Variants in RAD54L observed in about 807,000 individuals in gnomAD.
The protein encoded by RAD54L is DNA repair and recombination protein RAD54-like.
RAD54L carries 74 observed loss-of-function variants against 91.6 expected under a neutral mutation model. The observed-to-expected ratio is 0.81, with a 90% confidence interval of 0.67 to 0.98. The LOEUF is 0.98. Ranked by LOEUF, RAD54L falls within the 50% of genes least tolerant of loss-of-function variation. RAD54L has a pLI of 0.00. For synonymous variants in RAD54L, 304 were observed against 349.7 expected, an observed-to-expected ratio of 0.87 and a Z score of 1.46; for missense variants, 887 against 945.7, an observed-to-expected ratio of 0.94 and a Z score of 0.81.
intron 10 of RAD54L, among the ~76,000 whole-genome samples, chr1:46,271,521 G>T (rs1393029576): frequency 1.3e-5 from 2 of 152,144 alleles, no homozygotes; most frequent in Non-Finnish European, 2.9e-5. Flanking sequence ...GCTGGGTGTG[G>T]TTGGGGTGCA....
At position 46,260,365 on chromosome 1, in the gene RAD54L, G is replaced by T. The variant is rs570979521; in HGVS notation, c.408-177G>T. Among the ~76,000 whole-genome samples the T allele has an allele frequency of 9.9e-5, 15 of 152,172 alleles. No individual in the cohort carries two copies. The South Asian group carries it at 1.7e-3, about 17-fold the overall frequency. ...TGACACAGGGAACCCATCCCTCTCT[G>T]AGCTAACTTTCTAACTCCTAAAGTA... On this transcript the variant is annotated intron_variant, in intron 5 of 17. Coordinates refer to ENST00000371975, the MANE Select transcript of RAD54L (RefSeq NM_003579.4).
At chr1:46,275,875 C>G (rs908509206) in intron 16 of RAD54L, among the ~76,000 whole-genome samples, 1 of 151,874 alleles carries the variant, frequency 6.6e-6, no homozygotes, top group Admixed American at 6.6e-5. Flanking sequence ...TGGAGGATCA[C>G]TTGAGGCTAA....
At chr1:46,255,247 G>C (rs1659908895) in intron 3 of RAD54L, among the ~76,000 whole-genome samples, 1 of 152,138 alleles carries the variant, frequency 6.6e-6, no homozygotes, top group Admixed American at 6.5e-5. Context: ...ATGCTGGTAA[G>C]AGCTAGTAGA....
chr1:46,254,253 GT>G (rs1350203920), intron 3 of RAD54L, among the ~76,000 whole-genome samples: 3 of 151,752 alleles, frequency 2.0e-5, no homozygotes, highest in African/African-American at 7.3e-5. Context: ...GGTATTACAG[GT>G]GTGAGCTGCT....
chr1:46,252,008 T>G (rs1488495858), intron 3 of RAD54L, among the ~76,000 whole-genome samples: 1 of 152,192 alleles, frequency 6.6e-6, no homozygotes, highest in African/African-American at 2.4e-5. Flanking sequence ...ATGGCATAAG[T>G]GCAGTTGTGG....
At position 46,273,690 on chromosome 1, in the gene RAD54L, T is replaced by C. The variant is rs777000673; in HGVS notation, c.1553T>C (p.Leu518Pro). ...TRSRSSDKVVLVSNYTQTLDL... is the reference protein window; with the variant it reads ...TRSRSSDKVVPVSNYTQTLDL... ...AGCCGTAGCAGTGACAAAGTAGTGCTGGTGTCGAATTACACCCAGACTTTG... is the reference window on the plus strand; with the variant it reads ...AGCCGTAGCAGTGACAAAGTAGTGCCGGTGTCGAATTACACCCAGACTTTG... Residue 518 changes from leucine (L) to proline (P), a missense_variant, in exon 14 of 18, where the codon CTG becomes CCG. Leu to Pro is a moderately conservative substitution (Grantham distance 98). Coordinates refer to ENST00000371975, the MANE Select transcript of RAD54L (RefSeq NM_003579.4). 1 of 1,613,844 alleles carries C rather than the reference T, an allele frequency of 6.2e-7. No homozygotes were observed. The highest frequency in any genetic ancestry group is 1.1e-5 in the South Asian group (1 of 90,990).
rs61239976 is a variant in RAD54L, at chr1:46,261,204, G to T, written c.767-57G>T. The T allele has an allele frequency of 2.4e-3, 3,270 of 1,340,506 alleles. 45 individuals are homozygous for T. In the African/African-American group the frequency reaches 0.028, roughly 12 times the overall value. 83.0% of individuals were successfully genotyped at this position (1,340,506 alleles called of 1,614,324 possible). The stretch of plus-strand genomic sequence containing the variant: ...AAAGAACTGTCTAATTGTTTTTTTT[G>T]TTTTTTTTTTTTTCAAAAGATTCTG... On this transcript the variant is annotated intron_variant, in intron 7 of 17. Coordinates refer to ENST00000371975, the MANE Select transcript of RAD54L (RefSeq NM_003579.4).
intron 3 of RAD54L, among the ~76,000 whole-genome samples, chr1:46,255,836 TGGCCAGG>T (rs1433489209): frequency 1.3e-5 from 2 of 152,124 alleles, no homozygotes; most frequent in African/African-American, 4.8e-5. Flanking sequence ...CAGACATTTT[TGGCCAGG>T]GGTCTCCACA....
chr1:46,270,845 T>TG, intron 10 of RAD54L, 60 bp downstream of exon 10: 2 of 1,607,068 alleles, frequency 1.2e-6, no homozygotes, highest in East Asian at 4.6e-5. Context: ...GCCAATCCTT[T>TG]GGGGGCTTTG....
chr1:46,255,481 G>A (rs2148282102), intron 3 of RAD54L, among the ~76,000 whole-genome samples: 1 of 148,172 alleles, frequency 6.7e-6, no homozygotes, highest in South Asian at 2.1e-4. Context: ...ATCCCTGAAG[G>A]TTGGCCATTC....
chr1:46,272,715 C>T lies in RAD54L; in HGVS notation c.1288C>T (p.Gln430Ter). 1.2e-6 allele frequency: 2 copies of T among 1,614,192 alleles called. No homozygotes were observed. The highest frequency in any genetic ancestry group is 1.7e-6 in the Non-Finnish European group (2 of 1,180,032). The change falls in exon 12 of 18, where the codon CAA becomes TAA. Residue 430 changes from glutamine (Q) to a stop codon, truncating the protein, a stop_gained. Coordinates refer to ENST00000371975, the MANE Select transcript of RAD54L (RefSeq NM_003579.4). LOFTEE classifies it high-confidence loss of function. ...QTELYKRFLRQAKPAEELLEG... is the reference protein window; with the variant it reads ...QTELYKRFLR Reference sequence around the variant, plus strand: ...TGAGTTATACAAGAGGTTTCTGAGACAAGCCAAACCGGCAGAAGAATTGCT... The same window carrying T: ...TGAGTTATACAAGAGGTTTCTGAGATAAGCCAAACCGGCAGAAGAATTGCT...
rs889076775 is a variant in RAD54L at position 46,278,097 on chromosome 1, A to G, written c.2059A>G (p.Ser687Gly). Residue 687 changes from serine to glycine, a missense_variant, in exon 18 of 18, where the codon AGC becomes GGC. By Grantham distance (56) the Ser-to-Gly change is moderately conservative (BLOSUM62 0). Transcript: ENST00000371975. ...GTTGCACTGCCGACGTTGTGTCAACAGCCGTCAGATCCGGCCACCCCCTGA... is the reference window on the plus strand; with the variant it reads ...GTTGCACTGCCGACGTTGTGTCAACGGCCGTCAGATCCGGCCACCCCCTGA... ...DRLHCRRCVN[S>G]RQIRPPPDGS... is the part of the protein sequence containing the mutation. The G allele has an allele frequency of 6.2e-7, 1 of 1,614,106 alleles. No individual in the cohort carries two copies. The highest frequency in any genetic ancestry group is 8.5e-7 in the Non-Finnish European group (1 of 1,179,990).
At chr1:46,273,305 T>C in intron 12 of RAD54L, 50 bp from the exon 13 acceptor site, 1 of 1,468,710 alleles carries the variant, frequency 6.8e-7, no homozygotes, top group East Asian at 2.3e-5. Context: ...AACACTGAAG[T>C]GGAAACTTCA....
intron 16 of RAD54L, chr1:46,277,558 C>T (rs576488790): frequency 1.5e-4 from 76 of 522,796 alleles, no homozygotes; most frequent in Middle Eastern, 5.2e-4. Flanking sequence ...TTCACCCTGA[C>T]GGGATTTAGC....
At position 46,272,769 on chromosome 1, in the gene RAD54L, T is replaced by C. The variant is rs1194475445; in HGVS notation, c.1342T>C (p.Ser448Pro). The C allele has an allele frequency of 1.2e-6, 2 of 1,614,216 alleles. No individual in the cohort carries two copies. Among genetic ancestry groups the C allele is most frequent in the Non-Finnish European group, 1.7e-6 (2 of 1,180,032 alleles). Residue 448 changes from serine (S) to proline (P), a missense_variant, in exon 12 of 18, where the codon TCT becomes CCT. By Grantham distance (74) the Ser-to-Pro change is moderately conservative. Coordinates refer to ENST00000371975, the MANE Select transcript of RAD54L (RefSeq NM_003579.4). ...GGGCAAGATGAGTGTGTCTTCCCTT[T>C]CTTCCATCACCTCGCTAAAGAAGCT... ...LEGKMSVSSL[S>P]SITSLKKLCN... is the part of the protein sequence containing the mutation.
At chr1:46,259,051 C>A (rs1481427717) in intron 4 of RAD54L, among the ~76,000 whole-genome samples, 1 of 152,152 alleles carries the variant, frequency 6.6e-6, no homozygotes, top group Admixed American at 6.5e-5. Flanking sequence ...AGTAGCATCC[C>A]TTTTATGAGG....
rs371787795 is a variant in RAD54L at position 46,248,409 on chromosome 1, G to A, written c.3+1G>A. 1 of 1,614,036 alleles carries A rather than the reference G, an allele frequency of 6.2e-7. No homozygotes were observed. Among genetic ancestry groups the A allele is most frequent in the Non-Finnish European group, 8.5e-7 (1 of 1,180,034 alleles). On this transcript the variant is annotated splice_donor_variant, in intron 1 of 17. Coordinates refer to ENST00000371975, the MANE Select transcript of RAD54L (RefSeq NM_003579.4). LOFTEE classifies it high-confidence loss of function. The stretch of plus-strand genomic sequence containing the variant: ...GTTTTAAACTCCTAGGCCCAGGATG[G>A]TAAGTGTGGGCCTAGGGGAGACTGG...
Position 46,261,383 on chromosome 1 carries a change from G to T in RAD54L, c.889G>T (p.Glu297Ter), listed in dbSNP as rs1251722197. 3.1e-6 allele frequency: 5 copies of T among 1,613,880 alleles called. No individual in the cohort carries two copies. The highest frequency in any genetic ancestry group is 4.2e-6 in the Non-Finnish European group (5 of 1,179,990). The change falls in exon 8 of 18, where the codon GAG becomes TAG. Residue 297 changes from glutamate (E) to a stop codon, truncating the protein, a stop_gained and splice_region_variant. Coordinates refer to ENST00000371975, the MANE Select transcript of RAD54L (RefSeq NM_003579.4). LOFTEE classifies it high-confidence loss of function. The part of the protein sequence containing the change: ...KGSVGLVICD[E>*]GHRLKNSENQ... ...AAGTGTTGGTCTGGTCATATGTGACGAGGTACTTGACTCTCAGCAGTCTGG... is the reference window on the plus strand; with the variant it reads ...AAGTGTTGGTCTGGTCATATGTGACTAGGTACTTGACTCTCAGCAGTCTGG...
Position 46,250,057 on chromosome 1 carries a change from C to G in RAD54L, c.148C>G (p.Pro50Ala). ...CCAGATCCAGGAGTGTTTCCTGTCTCCTTTTCGGAAACCTTTGAGTCAGCT... is the reference window on the plus strand; with the variant it reads ...CCAGATCCAGGAGTGTTTCCTGTCTGCTTTTCGGAAACCTTTGAGTCAGCT... ...ETQIQECFLSPFRKPLSQLTN... is the reference protein window; with the variant it reads ...ETQIQECFLSAFRKPLSQLTN... The change falls in exon 3 of 18, where the codon CCT (proline) becomes GCT (alanine). Residue 50 changes from proline (P) to alanine (A), a missense_variant. Transcript: ENST00000371975. The G allele has an allele frequency of 6.2e-7, 1 of 1,614,160 alleles. No homozygotes were observed. The highest frequency in any genetic ancestry group is 1.1e-5 in the South Asian group (1 of 91,086).
Sources: gnomAD v4.1 joint callset for allele counts (sites outside exome capture counted in the v4.1 genomes callset) on GRCh38, gnomAD v4.1.1 for gene constraint, MANE v1.5 for transcripts, NCBI Gene and HGNC (gene_info 2026-07-23, HGNC 2026-07-21) for gene names.